The following SVOPL variants were observed in gnomAD, a reference collection of about 807,000 sequenced individuals.
SVOPL encodes the protein SVOP like.
Under a neutral mutation model 61.0 loss-of-function variants are expected in SVOPL, and 60 were observed. The observed-to-expected ratio is 0.98, with a 90% CI of 0.80 to 1.22. The LOEUF is 1.22. Ranked by LOEUF, SVOPL falls within the 50% of genes most tolerant of loss-of-function variation. SVOPL has a pLI of 0.00. For missense variants in SVOPL, 662 were observed against 643.9 expected (o/e 1.03, Z -0.30); for synonymous variants, 279 against 250.0 (o/e 1.12, Z -1.09).
Position 138,621,990 on chromosome 7 carries a change from G to GTATC in SVOPL, c.1264-859_1264-856dup, listed in dbSNP as rs1248293574. Among the ~76,000 whole-genome samples the GTATC allele has an allele frequency of 5.7e-4, 6 of 10,580 alleles. 1 individual carries two copies. In the South Asian group the frequency reaches 0.013, roughly 23 times the overall value. The allele number at this position is 10,580 out of a possible 152,430, so 6.9% of individuals were successfully genotyped here. A position where few individuals can be genotyped will look rare whatever the true frequency, so the allele number is the denominator to read the frequency against. On this transcript the variant is annotated intron_variant, in intron 13 of 15. Coordinates refer to ENST00000674285, the MANE Select transcript of SVOPL (RefSeq NM_001139456.2). ...TCTATCTATGTATCTATCTATCTAT[G>GTATC]TATCTATCTATCTATGTATCTATCT...
intron 1 of SVOPL, among the ~76,000 whole-genome samples, chr7:138,698,421 C>T (rs1233952057): frequency 2.0e-5 from 3 of 152,112 alleles, no homozygotes; most frequent in Non-Finnish European, 4.4e-5. Flanking sequence ...CACACCCCCT[C>T]GCTAGACTAG....
At chr7:138,615,922 AG>A (rs1325430457) in intron 14 of SVOPL, among the ~76,000 whole-genome samples, 10 of 152,164 alleles carry the variant, frequency 6.6e-5, no homozygotes, top group African/African-American at 2.4e-4. Context: ...GGACACAAGA[AG>A]GTAGCTGTCT....
chr7:138,657,151 T>C (rs1404442106), intron 6 of SVOPL, among the ~76,000 whole-genome samples: 3 of 151,240 alleles, frequency 2.0e-5, no homozygotes, highest in Admixed American at 6.6e-5. Flanking sequence ...TATTTATTTA[T>C]TTATTTATTT....
intron 4 of SVOPL, among the ~76,000 whole-genome samples, chr7:138,669,030 G>A (rs947482556): frequency 2.0e-5 from 3 of 152,190 alleles, no homozygotes; most frequent in Admixed American, 2.0e-4. Context: ...CTTTTGACAT[G>A]TGGAGAGGAT....
intron 9 of SVOPL, among the ~76,000 whole-genome samples, chr7:138,644,139 T>G (rs1239152556): frequency 2.2e-5 from 3 of 136,624 alleles, no homozygotes; most frequent in Admixed American, 8.8e-5. Context: ...AGGTAGAGGT[T>G]GCAGTGAGCT....
chr7:138,644,566 T>C (rs1006768153), intron 9 of SVOPL, 151 bp downstream of exon 9: 11 of 1,150,236 alleles, frequency 9.6e-6, no homozygotes, highest in Non-Finnish European at 1.3e-5. Context: ...ACAGTGAAAA[T>C]GAATGTAGCC....
intron 7 of SVOPL, among the ~76,000 whole-genome samples, chr7:138,652,541 T>G (rs1159257488): frequency 6.6e-6 from 1 of 152,184 alleles, no homozygotes; most frequent in Non-Finnish European, 1.5e-5. Flanking sequence ...GAGGAAGGCA[T>G]GTCGAAAGCT....
chr7:138,624,469 C>A (rs987476042), intron 13 of SVOPL, among the ~76,000 whole-genome samples: 2 of 152,116 alleles, frequency 1.3e-5, no homozygotes, highest in African/African-American at 4.8e-5. Context: ...GAGTTCAAAT[C>A]ATATTCATTC....
At chr7:138,666,145 T>C (rs150227564) in intron 4 of SVOPL, among the ~76,000 whole-genome samples, 19 of 152,368 alleles carry the variant, frequency 1.2e-4, no homozygotes, top group African/African-American at 4.3e-4. Context: ...TTATGTAGCC[T>C]TCCTCATTTT....
intron 7 of SVOPL, among the ~76,000 whole-genome samples, chr7:138,649,597 C>T (rs1485425650): frequency 1.3e-5 from 2 of 151,704 alleles, no homozygotes; most frequent in African/African-American, 4.8e-5. Flanking sequence ...GAGCCTAGCC[C>T]GGGGTGACTA....
At chr7:138,688,554 G>A (rs1156266595) in intron 1 of SVOPL, among the ~76,000 whole-genome samples, 1 of 152,200 alleles carries the variant, frequency 6.6e-6, no homozygotes, top group Non-Finnish European at 1.5e-5. Flanking sequence ...ACTGGTGTGA[G>A]CCACAGCGCC....
Position 138,648,954 on chromosome 7 carries a change from G to T in SVOPL, c.660+58C>A, listed in dbSNP as rs1487864118. 2.5e-6 allele frequency: 4 copies of T among 1,607,454 alleles called. No homozygotes were observed. The East Asian group carries it at 8.9e-5, about 36-fold the overall frequency. ...AAAATAAAAGATATTTGTGGGGCAT[G>T]AAGGCCACTGGACCAGCAGGAGGAG... On this transcript the variant is annotated intron_variant, in intron 8 of 15. Coordinates refer to ENST00000674285, the MANE Select transcript of SVOPL (RefSeq NM_001139456.2).
Position 138,604,908 on chromosome 7 carries a change from A to G in SVOPL, c.1354-8378T>C, listed in dbSNP as rs558266517. Among the ~76,000 whole-genome samples, 18 of 151,988 alleles carry G rather than the reference A, an allele frequency of 1.2e-4. No homozygotes were observed. The East Asian group carries it at 3.5e-3, about 29-fold the overall frequency. ...ACCTAGTTAGAAATTAAAGTAAAAA[A>G]TCATGGCATTAAGAATGTGAAAGAA... On this transcript the variant is annotated intron_variant, in intron 14 of 15. Coordinates refer to ENST00000674285, the MANE Select transcript of SVOPL (RefSeq NM_001139456.2).
At chr7:138,628,388 T>C (rs1799995409) in intron 10 of SVOPL, 25 bp from the exon 11 acceptor site, 3 of 1,609,314 alleles carry the variant, frequency 1.9e-6, no homozygotes, top group Non-Finnish European at 2.5e-6. Flanking sequence ...ACAAAGTCAC[T>C]AGCCAACGCT....
chr7:138,677,769 A>T (rs10229823), intron 3 of SVOPL, among the ~76,000 whole-genome samples: 4,770 of 68,328 alleles, frequency 0.07, 93 homozygotes, highest in African/African-American at 0.11. Context: ...TCATTTTATT[A>T]TTTTTTTTTT....
At chr7:138,628,565 G>A (rs1283430272) in intron 10 of SVOPL, among the ~76,000 whole-genome samples, 2 of 152,186 alleles carry the variant, frequency 1.3e-5, no homozygotes, top group African/African-American at 4.8e-5. Context: ...GTAAACCTAG[G>A]AGCAGAATTG....
At chr7:138,612,628 G>A (rs12707390) in intron 14 of SVOPL, among the ~76,000 whole-genome samples, 85,462 of 151,202 alleles carry the variant, frequency 0.57, 26,436 homozygotes, top group East Asian at 0.99. Flanking sequence ...GGATTCTCCT[G>A]CCTCAGCCTC....
At chr7:138,678,641 A>C in intron 2 of SVOPL, 116 bp from the exon 3 acceptor site, 1 of 980,360 alleles carries the variant, frequency 1.0e-6, no homozygotes, top group Non-Finnish European at 1.5e-6. Flanking sequence ...ACGGGGGGTC[A>C]GTGGTAGGCA....
At chr7:138,622,182 GTATCTATCTATCTATC>G (rs1297555390) in intron 13 of SVOPL, among the ~76,000 whole-genome samples, 1 of 47,366 alleles carries the variant, frequency 2.1e-5, no homozygotes. Flanking sequence ...ATCTGTCTAT[GTATCTATCTATCTATC>G]TATGTATCTA....
Sources: gnomAD v4.1 joint callset for allele counts (sites outside exome capture counted in the v4.1 genomes callset) on GRCh38, gnomAD v4.1.1 for gene constraint, MANE v1.5 for transcripts, NCBI Gene and HGNC (gene_info 2026-07-23, HGNC 2026-07-21) for gene names.